Variants in KAZN observed in about 807,000 individuals in gnomAD.
KAZN encodes kazrin.
KAZN carries 40 observed loss-of-function variants against 87.4 expected under a neutral mutation model. That is an observed-to-expected ratio of 0.46 (90% CI 0.36 to 0.60). The LOEUF is 0.60. Ranked by LOEUF, KAZN falls within the 20% of genes least tolerant of loss-of-function variation. KAZN has a pLI of 0.00. For synonymous variants in KAZN, 466 were observed against 458.3 expected (o/e 1.02, Z -0.22); for missense variants, 898 against 1,073.9 (o/e 0.84, Z 2.29).
intron 13 of KAZN, among the ~76,000 whole-genome samples, chr1:15,106,277 T>A (rs1380464756): frequency 6.6e-6 from 1 of 152,064 alleles, no homozygotes; most frequent in African/African-American, 2.4e-5. Flanking sequence ...CAAGGGTCCA[T>A]CTCTACAAAA....
intron 2 of KAZN, among the ~76,000 whole-genome samples, chr1:14,522,081 A>G (rs1168221736): frequency 6.6e-6 from 1 of 152,192 alleles, no homozygotes; most frequent in African/African-American, 2.4e-5. Flanking sequence ...TAGACACATT[A>G]GAAAAAGGAA....
chr1:14,734,811 G>A (rs998914052), intron 1 of KAZN, among the ~76,000 whole-genome samples: 3 of 152,196 alleles, frequency 2.0e-5, no homozygotes, highest in African/African-American at 4.8e-5. Flanking sequence ...GGCTTCCAGG[G>A]CACACCAGTC....
At chr1:14,646,441 A>G in intron 1 of KAZN, among the ~76,000 whole-genome samples, 1 of 152,162 alleles carries the variant, frequency 6.6e-6, no homozygotes, top group East Asian at 1.9e-4. Context: ...AATGATTACT[A>G]TGGCAGAAAA....
intron 2 of KAZN, among the ~76,000 whole-genome samples, chr1:14,511,855 T>G (rs764849260): frequency 3.9e-5 from 6 of 152,182 alleles, no homozygotes; most frequent in Non-Finnish European, 8.8e-5. Context: ...TTCAGAATGT[T>G]CTGGGTGGAA....
chr1:13,965,386 T>G (rs896825237), intron 1 of KAZN, among the ~76,000 whole-genome samples: 10 of 152,126 alleles, frequency 6.6e-5, no homozygotes, highest in Admixed American at 6.5e-4. Context: ...TTGAATAAGA[T>G]GCTGATGCCA....
At chr1:14,622,364 A>G (rs1350322349) in intron 1 of KAZN, among the ~76,000 whole-genome samples, 2 of 152,178 alleles carry the variant, frequency 1.3e-5, no homozygotes, top group Non-Finnish European at 2.9e-5. Context: ...ATGTTTAGTG[A>G]AATAAGGTAT....
intron 1 of KAZN, among the ~76,000 whole-genome samples, chr1:14,894,646 G>C (rs963936391): frequency 6.6e-6 from 1 of 152,232 alleles, no homozygotes; most frequent in Non-Finnish European, 1.5e-5. Context: ...CGCAGTCCTT[G>C]CTAGACTCTA....
intron 1 of KAZN, among the ~76,000 whole-genome samples, chr1:14,625,823 C>T (rs553518796): frequency 4.7e-4 from 72 of 152,246 alleles, no homozygotes; most frequent in African/African-American, 1.4e-3. Flanking sequence ...GCAATTTCCC[C>T]GGAAACGAGA....
chr1:14,324,355 A>G (rs1376869867), intron 2 of KAZN, among the ~76,000 whole-genome samples: 1 of 152,182 alleles, frequency 6.6e-6, no homozygotes, highest in African/African-American at 2.4e-5. Context: ...TAGAATCTCA[A>G]CGTCTTAAAA....
At chr1:14,806,969 A>T (rs1269765699) in intron 1 of KAZN, among the ~76,000 whole-genome samples, 1 of 152,210 alleles carries the variant, frequency 6.6e-6, no homozygotes, top group Non-Finnish European at 1.5e-5. Flanking sequence ...ACTCCCTTGC[A>T]GCTAGGGATC....
chr1:14,926,322 GTC>G (rs1428375243), intron 1 of KAZN, among the ~76,000 whole-genome samples: 1 of 152,186 alleles, frequency 6.6e-6, no homozygotes, highest in African/African-American at 2.4e-5. Flanking sequence ...TTTACTTTGT[GTC>G]TCTATAGACT....
At chr1:14,218,288 T>C (rs1021634863) in intron 2 of KAZN, among the ~76,000 whole-genome samples, 2 of 120,288 alleles carry the variant, frequency 1.7e-5, no homozygotes, top group African/African-American at 5.3e-5. Flanking sequence ...GAATTTAAAT[T>C]GGAAGTATCA....
intron 1 of KAZN, among the ~76,000 whole-genome samples, chr1:14,097,904 A>T (rs1644163869): frequency 6.6e-6 from 1 of 152,202 alleles, no homozygotes; most frequent in South Asian, 2.1e-4. Context: ...TGGACATAAA[A>T]GTGCTGTCTT....
At chr1:14,305,976 C>A (rs1654897141) in intron 2 of KAZN, among the ~76,000 whole-genome samples, 1 of 152,106 alleles carries the variant, frequency 6.6e-6, no homozygotes, top group African/African-American at 2.4e-5. Flanking sequence ...AAAACACGAA[C>A]CTTGTCCTTC....
At chr1:14,911,456 G>A (rs1156600096) in intron 1 of KAZN, among the ~76,000 whole-genome samples, 2 of 152,202 alleles carry the variant, frequency 1.3e-5, no homozygotes, top group African/African-American at 2.4e-5. Context: ...ACCTGGGCAG[G>A]GAAACGCTGG....
chr1:14,064,659 G>A (rs759204517), intron 1 of KAZN, among the ~76,000 whole-genome samples: 3 of 152,160 alleles, frequency 2.0e-5, no homozygotes, highest in Non-Finnish European at 2.9e-5. Flanking sequence ...CAGAGGGTGT[G>A]CGCCTGAGAG....
chr1:14,529,039 C>T (rs1026438758), intron 2 of KAZN, among the ~76,000 whole-genome samples: 1 of 152,144 alleles, frequency 6.6e-6, no homozygotes, highest in Non-Finnish European at 1.5e-5. Flanking sequence ...CGCGGTGGCT[C>T]ATGCCTGTAA....
chr1:14,328,936 G>T (rs1239514897), intron 2 of KAZN, among the ~76,000 whole-genome samples: 1 of 152,044 alleles, frequency 6.6e-6, no homozygotes, highest in Non-Finnish European at 1.5e-5. Flanking sequence ...AGGGAAATAG[G>T]TGTTCAGGAT....
At chr1:14,544,350 C>CTTTTTTTTTTTTTTTTTTTTGTTTT (rs374148415) in intron 2 of KAZN, among the ~76,000 whole-genome samples, 2 of 98,120 alleles carry the variant, frequency 2.0e-5, no homozygotes, top group African/African-American at 3.9e-5. Context: ...TTCTTTCTTT[C>CTTTTTTTTTTTTTTTTTTTTGTTTT]TTTTTTTTTT....
Sources: gnomAD v4.1 joint callset for allele counts (sites outside exome capture counted in the v4.1 genomes callset) on GRCh38, gnomAD v4.1.1 for gene constraint, MANE v1.5 for transcripts, NCBI Gene and HGNC (gene_info 2026-07-23, HGNC 2026-07-21) for gene names.